The following CC2D1B variants were observed in gnomAD, a reference collection of about 807,000 sequenced individuals.
CC2D1B encodes the protein coiled-coil and C2 domain-containing protein 1B.
Under a neutral mutation model 110.8 loss-of-function variants are expected in CC2D1B, and 92 were observed. The observed-to-expected ratio is 0.83, with a 90% confidence interval of 0.70 to 0.99. The LOEUF is 0.99. CC2D1B is among the 50% of genes least tolerant of loss of function. The pLI, the probability that CC2D1B is intolerant of heterozygous loss-of-function variation, is 0.00. For synonymous variants in CC2D1B, 406 were observed against 429.2 expected, an observed-to-expected ratio of 0.95 and a Z score of 0.67; for missense variants, 1,136 against 1,089.0, an observed-to-expected ratio of 1.04 and a Z score of -0.61.
At chr1:52,354,137 C>G (rs1646588611) in intron 23 of CC2D1B, among the ~76,000 whole-genome samples, 1 of 152,202 alleles carries the variant, frequency 6.6e-6, no homozygotes, top group Non-Finnish European at 1.5e-5. Flanking sequence ...AGAAGTCCAA[C>G]CACCCTCAGT....
At chr1:52,360,293 A>G in intron 6 of CC2D1B, 60 bp from the exon 7 acceptor site, 1 of 1,606,294 alleles carries the variant, frequency 6.2e-7, no homozygotes. Flanking sequence ...CCCTGCTCCA[A>G]GACAGGCCAG....
rs1387300439 is a variant in CC2D1B at position 52,355,609 on chromosome 1, G to GAGTT, written c.2182_2185dup (p.Ser729Ter). ...ATCCTACTTCTACCTGAACCTCACC[G>GAGTT]AGTTAGGGTAGTGAAACTCAAACCG... On this transcript the variant is annotated stop_gained and frameshift_variant and splice_region_variant, in exon 20 of 25. Coordinates refer to ENST00000284376, the MANE Select transcript of CC2D1B (RefSeq NM_001330585.2). LOFTEE classifies it high-confidence loss of function. 3 of 1,614,044 alleles carry GAGTT rather than the reference G, an allele frequency of 1.9e-6. No individual in the cohort carries two copies. The highest frequency in any genetic ancestry group is 1.3e-5 in the African/African-American group (1 of 74,930).
chr1:52,355,676 A>C lies in CC2D1B; in HGVS notation c.2129-10T>G. ...TCATCGGGAGTCACCCCTGGGAAGGAGAAAAGGGAGTCAAGTCAGAGGGAG... is the reference window on the plus strand; with the variant it reads ...TCATCGGGAGTCACCCCTGGGAAGGCGAAAAGGGAGTCAAGTCAGAGGGAG... On this transcript the variant is annotated splice_polypyrimidine_tract_variant and intron_variant, in intron 19 of 24. Coordinates refer to ENST00000284376, the MANE Select transcript of CC2D1B (RefSeq NM_001330585.2). 6.2e-7 allele frequency: 1 copy of C among 1,614,158 alleles called. No homozygotes were observed. The highest frequency in any genetic ancestry group is 8.5e-7 in the Non-Finnish European group (1 of 1,180,032).
At chr1:52,358,244 G>C (rs1646697172) in intron 13 of CC2D1B, 87 bp downstream of exon 13, 1 of 1,516,984 alleles carries the variant, frequency 6.6e-7, no homozygotes, top group African/African-American at 1.4e-5. Context: ...TACCTTATTG[G>C]GCTTGTTAGT....
chr1:52,364,779 T>C, intron 1 of CC2D1B, 145 bp from the exon 2 acceptor site: 4 of 506,558 alleles, frequency 7.9e-6, no homozygotes, highest in Non-Finnish European at 1.4e-5. Context: ...ATTAAAGCAC[T>C]GAAGCAGCAC....
chr1:52,359,416 C>G, intron 9 of CC2D1B, 43 bp downstream of exon 9: 5 of 1,613,162 alleles, frequency 3.1e-6, no homozygotes, highest in Non-Finnish European at 3.4e-6. Flanking sequence ...AGGCCTGCTA[C>G]TCCTCCCCAA....
chr1:52,354,023 C>G (rs1646585706), intron 23 of CC2D1B: 2 of 291,132 alleles, frequency 6.9e-6, no homozygotes, highest in Non-Finnish European at 1.3e-5. Flanking sequence ...AGAGTCAGCA[C>G]TGGAACCCCA....
chr1:52,358,158 G>A, intron 13 of CC2D1B, 173 bp downstream of exon 13: 1 of 995,110 alleles, frequency 1.0e-6, no homozygotes, highest in South Asian at 1.8e-5. Flanking sequence ...ACCTTGGTTT[G>A]AATCCTAGTT....
chr1:52,357,211 T>G, intron 15 of CC2D1B, 85 bp from the exon 16 acceptor site: 1 of 1,491,598 alleles, frequency 6.7e-7, no homozygotes. Flanking sequence ...CCAAACTAAG[T>G]AATTCTTCAG....
rs1339199967 is a variant in CC2D1B at position 52,351,244 on chromosome 1, G to C, written c.*1981C>G. The C allele has an allele frequency of 6.6e-6, 1 of 152,206 alleles. No individual in the cohort carries two copies. The highest frequency in any genetic ancestry group is 1.5e-5 in the Non-Finnish European group (1 of 68,038). 9.4% of individuals were successfully genotyped at this position (152,206 alleles called of 1,614,324 possible). ...AAGAGCAAAGCAGCAGACTGAAATTGAATGGGTTGCAAAGGAGAAACCTTT... is the reference window on the plus strand; with the variant it reads ...AAGAGCAAAGCAGCAGACTGAAATTCAATGGGTTGCAAAGGAGAAACCTTT... On this transcript the variant is annotated 3_prime_UTR_variant, in exon 25 of 25. Transcript: ENST00000284376.
chr1:52,355,281 CT>C, intron 21 of CC2D1B, 116 bp downstream of exon 21: 2 of 1,079,470 alleles, frequency 1.9e-6, no homozygotes, highest in South Asian at 2.7e-5. Context: ...TTAACAGCAC[CT>C]TTATCTCCCA....
chr1:52,361,208 C>A, intron 4 of CC2D1B, 76 bp from the exon 5 acceptor site: 1 of 1,543,810 alleles, frequency 6.5e-7, no homozygotes, highest in Non-Finnish European at 8.9e-7. Context: ...GAGTAAAGGA[C>A]CCTCTCTCTC....
chr1:52,362,952 A>G (rs1646813836), intron 2 of CC2D1B, among the ~76,000 whole-genome samples: 1 of 152,204 alleles, frequency 6.6e-6, no homozygotes, highest in Non-Finnish European at 1.5e-5. Context: ...GTAAGACCAC[A>G]CTGAAACTGA....
chr1:52,362,376 A>G (rs1363136909), intron 3 of CC2D1B, among the ~76,000 whole-genome samples: 1 of 152,140 alleles, frequency 6.6e-6, no homozygotes, highest in Non-Finnish European at 1.5e-5. Context: ...TGGGGACCTG[A>G]GTCAGTCTGA....
In CC2D1B at chr1:52,354,833, G is replaced by T. The variant is rs767704421; in HGVS notation, c.2339+7C>A. ...CCGTGTGGCAGCATGACCGATAGGA[G>T]CCTCACCCTTTGTGGAAGATCTCAA... On this transcript the variant is annotated splice_region_variant and intron_variant, in intron 22 of 24. Transcript: ENST00000284376. The T allele has an allele frequency of 6.2e-7, 1 of 1,613,200 alleles. No individual in the cohort carries two copies. The highest frequency in any genetic ancestry group is 1.7e-5 in the Admixed American group (1 of 60,026).
rs1384241743 is a variant in CC2D1B, at chr1:52,359,823, A to G, written c.824T>C (p.Leu275Ser). 1.2e-6 allele frequency: 2 copies of G among 1,611,942 alleles called. No individual in the cohort carries two copies. The highest frequency in any genetic ancestry group is 1.7e-4 in the Middle Eastern group (1 of 6,060). ...PGISAQPVSDLDPDPRALLSS... is the reference protein window; with the variant it reads ...PGISAQPVSDSDPDPRALLSS... ...CAGCAGGGCCCGCGGGTCTGGGTCTAAGTCTGAAACGGGCTGGGCAGAAAT... is the reference window on the plus strand; with the variant it reads ...CAGCAGGGCCCGCGGGTCTGGGTCTGAGTCTGAAACGGGCTGGGCAGAAAT... Residue 275 changes from leucine (L) to serine (S), a missense_variant, in exon 8 of 25, where the codon TTA becomes TCA. Transcript: ENST00000284376.
chr1:52,359,107 T>C lies in CC2D1B; in HGVS notation c.1177A>G (p.Asn393Asp), dbSNP rs1646721163. ...TGGATGCCCGCCTCGCGGTACTTGTTCAGCCTCTGCTGCAGGGCATCCAGC... is the reference window on the plus strand; with the variant it reads ...TGGATGCCCGCCTCGCGGTACTTGTCCAGCCTCTGCTGCAGGGCATCCAGC... Reference protein sequence around the residue: ...TVLDALQQRLNKYREAGIQAR... With the variant: ...TVLDALQQRLDKYREAGIQAR... The change falls in exon 11 of 25, where the codon AAC becomes GAC. Residue 393 changes from asparagine (N) to aspartate (D), a missense_variant. Transcript: ENST00000284376. 6.2e-7 allele frequency: 1 copy of C among 1,610,712 alleles called. No homozygotes were observed. Among genetic ancestry groups the C allele is most frequent in the Non-Finnish European group, 8.5e-7 (1 of 1,180,028 alleles).
intron 16 of CC2D1B, 31 bp downstream of exon 16, chr1:52,356,968 CAG>C: frequency 6.5e-7 from 1 of 1,541,782 alleles, no homozygotes; most frequent in Non-Finnish European, 8.8e-7. Flanking sequence ...GCTGTGGGCA[CAG>C]AGGGGAGGAA....
chr1:52,364,099 A>G (rs1049031185), intron 2 of CC2D1B, among the ~76,000 whole-genome samples: 1 of 152,180 alleles, frequency 6.6e-6, no homozygotes, highest in Admixed American at 6.5e-5. Flanking sequence ...CTCCTTTCTT[A>G]CCTGCCTTTT....
Sources: gnomAD v4.1 joint callset for allele counts (sites outside exome capture counted in the v4.1 genomes callset) on GRCh38, gnomAD v4.1.1 for gene constraint, MANE v1.5 for transcripts, NCBI Gene and HGNC (gene_info 2026-07-23, HGNC 2026-07-21) for gene names.